Variants in SPATA9 observed in about 807,000 individuals in gnomAD.
SPATA9 encodes spermatogenesis-associated protein 9.
In SPATA9, 27 loss-of-function variants were observed where a neutral mutation model predicts 25.5. That is an observed-to-expected ratio of 1.06 (90% CI 0.78 to 1.46). The LOEUF is 1.46. SPATA9 is among the 40% of genes most tolerant of loss of function. SPATA9 has a pLI of 0.00. For synonymous variants in SPATA9, 102 were observed against 105.7 expected (o/e 0.97, Z 0.21); for missense variants, 282 against 297.5 (o/e 0.95, Z 0.38).
the SPATA9 span, among the ~76,000 whole-genome samples, chr5:95,710,860 A>C: frequency 6.6e-6 from 1 of 152,144 alleles, no homozygotes. Context: ...TGGTTGTCAA[A>C]AACCTTTTGG....
chr5:95,669,884 A>G (rs1375226308), intron 3 of SPATA9, among the ~76,000 whole-genome samples: 1 of 152,198 alleles, frequency 6.6e-6, no homozygotes, highest in African/African-American at 2.4e-5. Context: ...GAGGCTTTTT[A>G]TAGAACTAGC....
intron 1 of SPATA9, among the ~76,000 whole-genome samples, chr5:95,688,913 T>G (rs1329716833): frequency 6.6e-6 from 1 of 152,176 alleles, no homozygotes; most frequent in Non-Finnish European, 1.5e-5. Context: ...TAATAAAATC[T>G]ATTAGTTACA....
At chr5:95,704,480 T>G in the SPATA9 span, among the ~76,000 whole-genome samples, 3 of 152,172 alleles carry the variant, frequency 2.0e-5, no homozygotes, top group Non-Finnish European at 4.4e-5. Flanking sequence ...TTTATAATTA[T>G]TTTATTTAGA....
intron 3 of SPATA9, among the ~76,000 whole-genome samples, chr5:95,665,742 A>G (rs1175762256): frequency 6.6e-6 from 1 of 152,234 alleles, no homozygotes; most frequent in Non-Finnish European, 1.5e-5. Context: ...TGGGAGACCA[A>G]GGCAGGTGGA....
At chr5:95,689,560 A>G (rs1279707166) in intron 1 of SPATA9, among the ~76,000 whole-genome samples, 1 of 152,232 alleles carries the variant, frequency 6.6e-6, no homozygotes, top group Non-Finnish European at 1.5e-5. Flanking sequence ...CAATAAACCA[A>G]AAAGACATGC....
chr5:95,683,090 G>A (rs768281528), upstream of SPATA9: 3 of 1,028,524 alleles, frequency 2.9e-6, no homozygotes, highest in Middle Eastern at 3.5e-4. Flanking sequence ...TGTGTTTGGA[G>A]GCATAAGGGA....
the SPATA9 span, among the ~76,000 whole-genome samples, chr5:95,721,368 C>T: frequency 6.6e-6 from 1 of 152,152 alleles, no homozygotes; most frequent in South Asian, 2.1e-4. Flanking sequence ...CTACCCAGGT[C>T]CTAGAACTGG....
the SPATA9 span, among the ~76,000 whole-genome samples, chr5:95,712,473 AC>A: frequency 1.3e-5 from 2 of 152,064 alleles, no homozygotes; most frequent in African/African-American, 4.8e-5. Flanking sequence ...TCACTTCTGT[AC>A]CCCCTGAGCC....
At chr5:95,653,098 G>A (rs1438144631) in exon 9 of SPATA9, 3 of 1,551,154 alleles carry the variant, frequency 1.9e-6, no homozygotes, top group Non-Finnish European at 2.6e-6. Context: ...TCAGGCTTTT[G>A]TATTTGCTCT....
chr5:95,682,325 C>T (rs1404957370), intron 2 of SPATA9, among the ~76,000 whole-genome samples: 1 of 152,116 alleles, frequency 6.6e-6, no homozygotes, highest in Non-Finnish European at 1.5e-5. Flanking sequence ...TCTCAATCTA[C>T]CTCACTTCTT....
chr5:95,708,312 T>G, the SPATA9 span, among the ~76,000 whole-genome samples: 2,360 of 149,866 alleles, frequency 0.016, 60 homozygotes, highest in African/African-American at 0.053. Flanking sequence ...GAGACCAGGA[T>G]TTTTTTTTTG....
chr5:95,715,132 TG>T, the SPATA9 span, among the ~76,000 whole-genome samples: 1 of 152,110 alleles, frequency 6.6e-6, no homozygotes, highest in Non-Finnish European at 1.5e-5. Context: ...AAGACCACCC[TG>T]GCCAACATGG....
chr5:95,658,438 A>ACTATTCACTATTCCACTGAATAT lies in SPATA9; in HGVS notation c.*184_*185insATATTCAGTGGAATAGTGAATAG. 1 of 583,310 alleles carries ACTATTCACTATTCCACTGAATAT rather than the reference A, an allele frequency of 1.7e-6. No individual in the cohort carries two copies. The highest frequency in any genetic ancestry group is 2.6e-6 in the Non-Finnish European group (1 of 380,426). The allele number at this position is 583,310 out of a possible 1,614,324, so 36.1% of individuals were successfully genotyped here. On this transcript the variant is annotated 3_prime_UTR_variant, in exon 5 of 5. Coordinates refer to ENST00000274432, the MANE Select transcript of SPATA9 (RefSeq NM_031952.4). ...TATGTAGTCAGTACATATATTCCAC[A>ACTATTCACTATTCCACTGAATAT]TCAATATTCATTTTATTTACTCTAT...
At chr5:95,683,657 C>T (rs1371827969), upstream of SPATA9, among the ~76,000 whole-genome samples, 1 of 152,120 alleles carries the variant, frequency 6.6e-6, no homozygotes, top group African/African-American at 2.4e-5. Context: ...CCTGTCTCAG[C>T]CTCCCGAGTA....
intron 2 of SPATA9, 114 bp from the exon 3 acceptor site, chr5:95,675,753 A>G (rs1752872308): frequency 1.4e-6 from 1 of 735,112 alleles, no homozygotes. Context: ...TGTCATGCAT[A>G]TATTCAACAT....
At chr5:95,694,563 T>C (rs1475239856) in intron 1 of SPATA9, among the ~76,000 whole-genome samples, 1 of 152,238 alleles carries the variant, frequency 6.6e-6, no homozygotes, top group Non-Finnish European at 1.5e-5. Flanking sequence ...AAGTTGATGA[T>C]GATACCTCTT....
At chr5:95,661,049 G>A (rs1457600076) in intron 4 of SPATA9, among the ~76,000 whole-genome samples, 1 of 152,054 alleles carries the variant, frequency 6.6e-6, no homozygotes, top group African/African-American at 2.4e-5. Context: ...TCCTTATCCA[G>A]TTATGCCGCT....
At chr5:95,728,447 C>G in the SPATA9 span, among the ~76,000 whole-genome samples, 1 of 152,146 alleles carries the variant, frequency 6.6e-6, no homozygotes, top group Non-Finnish European at 1.5e-5. Flanking sequence ...CTATTAAGAC[C>G]TAAGACAATG....
At chr5:95,731,006 CG>C in the SPATA9 span, 98 of 679,160 alleles carry the variant, frequency 1.4e-4, 1 homozygote, top group Admixed American at 6.9e-4. Flanking sequence ...CCGGAGTGAG[CG>C]GGGGCCCCAT....
Sources: gnomAD v4.1 joint callset for allele counts (sites outside exome capture counted in the v4.1 genomes callset) on GRCh38, gnomAD v4.1.1 for gene constraint, MANE v1.5 for transcripts, NCBI Gene and HGNC (gene_info 2026-07-23, HGNC 2026-07-21) for gene names.